PITRM1: variants seen among roughly 807,000 people sequenced by gnomAD.
PITRM1 encodes pitrilysin metallopeptidase 1.
A neutral mutation model predicts 129.9 loss-of-function variants in PITRM1; 100 were observed. The observed-to-expected ratio is 0.77, with a 90% CI of 0.65 to 0.91. The LOEUF is 0.91. PITRM1 is among the 40% of genes least tolerant of loss of function. The pLI, the probability that PITRM1 is intolerant of heterozygous loss-of-function variation, is 0.00. For missense variants in PITRM1, 1,471 were observed against 1,318.3 expected (o/e 1.12, Z -1.79); for synonymous variants, 591 against 508.8 (o/e 1.16, Z -2.17).
At chr10:3,165,384 T>C in intron 5 of PITRM1, 29 bp downstream of exon 5, 1 of 1,604,372 alleles carries the variant, frequency 6.2e-7, no homozygotes, top group South Asian at 1.1e-5. Flanking sequence ...CTAAAGTCTG[T>C]ATCAACTAGT....
chr10:3,165,428 C>T lies in PITRM1; in HGVS notation c.518G>A (p.Arg173His), dbSNP rs760564399. 27 of 1,612,590 alleles carry T rather than the reference C, an allele frequency of 1.7e-5. No individual in the cohort carries two copies. Among genetic ancestry groups the T allele is most frequent in the Admixed American group, 3.3e-5 (2 of 59,916 alleles). Residue 173 changes from arginine to histidine, a missense_variant, in exon 5 of 27, where the codon CGC (arginine) becomes CAC (histidine). Transcript: ENST00000224949. ...CATGACATACCAGAAATCCAGCTCG[C>T]GTAAACATGGGAAAAAGGTGGCATC... is the stretch of plus-strand genomic sequence containing the variant. ...YLDATFFPCL[R>H]ELDFWQEGWR... is the part of the protein sequence containing the mutation.
intron 2 of PITRM1, 85 bp downstream of exon 2, chr10:3,170,019 C>A: frequency 2.1e-6 from 2 of 971,900 alleles, no homozygotes; most frequent in East Asian, 2.5e-5. Context: ...CGCTAGTCTC[C>A]GCCCTGAAGG....
intron 10 of PITRM1, 113 bp downstream of exon 10, chr10:3,158,801 C>G: frequency 9.4e-7 from 1 of 1,067,672 alleles, no homozygotes; most frequent in East Asian, 2.4e-5. Context: ...ATCAAAAATC[C>G]AAAAATGTTC....
rs1842633165 is a variant in PITRM1 at position 3,163,675 on chromosome 10, C to T, written c.791+50G>A. 4 of 1,489,794 alleles carry T rather than the reference C, an allele frequency of 2.7e-6. No homozygotes were observed. In the East Asian group the frequency reaches 9.4e-5, roughly 35 times the overall value. 92.3% of individuals were successfully genotyped at this position (1,489,794 alleles called of 1,614,324 possible). ...TGCCATAAACTGTTAAGAACACAAA[C>T]AAGTCAACTTTTCACAATCCACCAT... On this transcript the variant is annotated intron_variant, in intron 7 of 26. Coordinates refer to ENST00000224949, the MANE Select transcript of PITRM1 (RefSeq NM_014889.4).
intron 14 of PITRM1, 105 bp downstream of exon 14, chr10:3,155,486 C>T (rs1305326347): frequency 7.1e-7 from 1 of 1,415,612 alleles, no homozygotes; most frequent in African/African-American, 1.4e-5. Context: ...CCAGCGGACA[C>T]CTGTTGGTTG....
intron 15 of PITRM1, 107 bp downstream of exon 15, chr10:3,151,140 G>T (rs2132420502): frequency 1.4e-6 from 1 of 720,974 alleles, no homozygotes; most frequent in East Asian, 2.7e-5. Flanking sequence ...CTGCTCAAGT[G>T]TTTCAGGGAA....
rs536618663 is a variant in PITRM1, at chr10:3,140,882, G to A, written c.2646-70C>T. 171 of 1,251,722 alleles carry A rather than the reference G, an allele frequency of 1.4e-4. No homozygotes were observed. In the African/African-American group the frequency reaches 2.1e-3, roughly 15 times the overall value. 77.5% of individuals were successfully genotyped at this position (1,251,722 alleles called of 1,614,324 possible). On this transcript the variant is annotated intron_variant, in intron 23 of 26. Coordinates refer to ENST00000224949, the MANE Select transcript of PITRM1 (RefSeq NM_014889.4). ...AAGCATAGACAATGAAGTAATTGTT[G>A]GATTAAGTGAAAATGAAAATCGAGT...
At chr10:3,152,831 A>G (rs1841638111) in intron 14 of PITRM1, among the ~76,000 whole-genome samples, 1 of 152,226 alleles carries the variant, frequency 6.6e-6, no homozygotes. Context: ...CTACCCTGAC[A>G]TCCAGGGCTC....
At position 3,171,178 on chromosome 10, in the gene PITRM1, A is replaced by C. The variant is rs1371859009; in HGVS notation, c.57-972T>G. 3.0e-4 allele frequency among the ~76,000 whole-genome samples: 43 copies of C among 141,776 alleles called. 1 individual carries two copies. Among genetic ancestry groups the C allele is most frequent in the African/African-American group, 1.0e-3 (39 of 38,344 alleles). 93.0% of individuals were successfully genotyped at this position (141,776 alleles called of 152,430 possible). On this transcript the variant is annotated intron_variant, in intron 1 of 26. Coordinates refer to ENST00000224949, the MANE Select transcript of PITRM1 (RefSeq NM_014889.4). The stretch of plus-strand genomic sequence containing the variant: ...AAAAAAAAAAAAAAAAAAAAAAAAA[A>C]AAAAAACCTTACCAATATAAGGGCC...
rs1216084851 is a variant in PITRM1 at position 3,147,471 on chromosome 10, T to C, written c.2235+101A>G. Reference sequence around the variant, plus strand: ...CCCCATATTTAGTCAGTTAGAAAGTTAGCATTTCTGGGACATAAATTAATG... The same window carrying C: ...CCCCATATTTAGTCAGTTAGAAAGTCAGCATTTCTGGGACATAAATTAATG... On this transcript the variant is annotated intron_variant, in intron 19 of 26. Coordinates refer to ENST00000224949, the MANE Select transcript of PITRM1 (RefSeq NM_014889.4). 12 of 1,331,836 alleles carry C rather than the reference T, an allele frequency of 9.0e-6. No individual in the cohort carries two copies. The Admixed American group carries it at 1.9e-4, about 21-fold the overall frequency. 82.5% of individuals were successfully genotyped at this position (1,331,836 alleles called of 1,614,324 possible).
At chr10:3,145,564 G>A (rs1032857157) in intron 21 of PITRM1, 32 bp downstream of exon 21, 45 of 1,543,414 alleles carry the variant, frequency 2.9e-5, no homozygotes, top group African/African-American at 2.2e-4. Context: ...CCCACCAGGC[G>A]CTCACCGGGC....
Position 3,144,341 on chromosome 10 carries a change from C to T in PITRM1, c.2483G>A (p.Gly828Glu), listed in dbSNP as rs1395445841. 1.9e-6 allele frequency: 3 copies of T among 1,561,216 alleles called. No homozygotes were observed. Residue 828 changes from glycine (G) to glutamate (E), a missense_variant, in exon 22 of 27, where the codon GGA becomes GAA. Gly to Glu is a moderately conservative substitution (Grantham distance 98, BLOSUM62 -2). Transcript: ENST00000224949. ...GGAGCCATGGGGAACGTGGGCATCT[C>T]CACCAGAGCTGCTGGGCACAGGTTT... The part of the protein sequence containing the change: ...VEKPVPSSSG[G>E]DAHVPHGSQV...
chr10:3,159,949 G>C lies in PITRM1; in HGVS notation c.919-13C>G. The C allele has an allele frequency of 6.4e-7, 1 of 1,550,734 alleles. No individual in the cohort carries two copies. Among genetic ancestry groups the C allele is most frequent in the Non-Finnish European group, 8.8e-7 (1 of 1,134,056 alleles). On this transcript the variant is annotated splice_polypyrimidine_tract_variant and intron_variant, in intron 8 of 26. Transcript: ENST00000224949. The stretch of plus-strand genomic sequence containing the variant: ...TCTGGAATTCCCTCTGTAAAATGAC[G>C]TGACGTTGTGAGTAGGCACAGTGTC...
rs905886144 is a variant in PITRM1, at chr10:3,144,206, G to A, written c.2532+86C>T. The stretch of plus-strand genomic sequence containing the variant: ...ACGCCAGCCCCACAGACAGGCGGAC[G>A]GAGGAACATTCGAACATCAGTGGCA... On this transcript the variant is annotated intron_variant, in intron 22 of 26. Coordinates refer to ENST00000224949, the MANE Select transcript of PITRM1 (RefSeq NM_014889.4). 4.6e-4 allele frequency: 347 copies of A among 759,204 alleles called. 2 individuals are homozygous for A. Among genetic ancestry groups the A allele is most frequent in the Middle Eastern group, 2.4e-4 (1 of 4,218 alleles). 47.0% of individuals were successfully genotyped at this position (759,204 alleles called of 1,614,324 possible).
At chr10:3,172,588 G>A in intron 1 of PITRM1, 129 bp downstream of exon 1, 2 of 826,946 alleles carry the variant, frequency 2.4e-6, no homozygotes, top group Non-Finnish European at 3.5e-6. Flanking sequence ...CTCGGGGTGC[G>A]GGACGCCCAC....
chr10:3,158,928 A>G lies in PITRM1; in HGVS notation c.1122T>C (p.Phe374=). 1 of 1,613,582 alleles carries G rather than the reference A, an allele frequency of 6.2e-7. No homozygotes were observed. The highest frequency in any genetic ancestry group is 8.5e-7 in the Non-Finnish European group (1 of 1,179,702). Residue 374 remains phenylalanine (F), a synonymous_variant, in exon 10 of 27, where the codon TTT becomes TTC. Coordinates refer to ENST00000224949, the MANE Select transcript of PITRM1 (RefSeq NM_014889.4). ...ALIESGLGTD[F]SPDVGYNGYT... ...CATAAACTCACCCAACATCAGGAGA[A>G]AAGTCTGTGCCAAGGCCAGATTCAA...
chr10:3,143,361 TGA>T lies in PITRM1; in HGVS notation c.2645+26_2645+27del, dbSNP rs763699214. On this transcript the variant is annotated intron_variant, in intron 23 of 26. Transcript: ENST00000224949. ...CAAGCTCTTCCGTAAGGCTCAGGCC[TGA>T]GAGGTCCCGACCTACACCCTCCTAC... The T allele has an allele frequency of 7.1e-6, 10 of 1,403,796 alleles. No homozygotes were observed. In the East Asian group the frequency reaches 2.3e-4, roughly 32 times the overall value. The allele number at this position is 1,403,796 out of a possible 1,614,324, so 87.0% of individuals were successfully genotyped here.
At chr10:3,156,823 C>A in intron 13 of PITRM1, 107 bp downstream of exon 13, 2 of 641,026 alleles carry the variant, frequency 3.1e-6, no homozygotes, top group Non-Finnish European at 4.8e-6. Context: ...ATTAAGTCAC[C>A]CATTAACAGA....
intron 22 of PITRM1, chr10:3,143,861 T>A: frequency 1.8e-6 from 1 of 548,984 alleles, no homozygotes; most frequent in East Asian, 4.3e-5. Flanking sequence ...CATAGGAATG[T>A]GTTAAATCAC....
Sources: allele counts gnomAD v4.1 joint callset (sites outside exome capture counted in the v4.1 genomes callset), GRCh38; gene constraint gnomAD v4.1.1; transcripts MANE v1.5; gene names NCBI Gene and HGNC (gene_info 2026-07-23, HGNC 2026-07-21).